The following PTP4A1 variants were observed in gnomAD, a reference collection of about 807,000 sequenced individuals.
The protein encoded by PTP4A1 is protein tyrosine phosphatase 4A1, also known as protein tyrosine phosphatase type IVA 1.
PTP4A1 carries 9 observed loss-of-function variants against 20.5 expected under a neutral mutation model. The observed-to-expected ratio is 0.44, with a 90% CI of 0.26 to 0.77. The LOEUF (loss-of-function observed/expected upper bound fraction) is 0.77. Ranked by LOEUF, PTP4A1 falls within the 30% of genes least tolerant of loss-of-function variation. The probability of loss-of-function intolerance (pLI) is 0.19; values close to 1 mark genes in which losing one functional copy is unlikely to be tolerated. For missense variants in PTP4A1, 137 were observed against 218.8 expected (o/e 0.63, Z 2.36); for synonymous variants, 78 against 67.4 (o/e 1.16, Z -0.77).
chr6:63,547,362 G>A (rs1776237158), intron 2 of PTP4A1, among the ~76,000 whole-genome samples: 1 of 149,224 alleles, frequency 6.7e-6, no homozygotes, highest in Non-Finnish European at 1.5e-5. Flanking sequence ...GCTAATTTTT[G>A]TATTTTTAGT....
At position 63,578,645 on chromosome 6, in the gene PTP4A1, CAA is replaced by C. The variant is rs2149516564; in HGVS notation, c.198+118_198+119del. Reference sequence around the variant, plus strand: ...TAAATAGACCTCAAAAAGCTAAAAACAAATATTATATTATTGTGCAGAATCTT... The same window carrying C: ...TAAATAGACCTCAAAAAGCTAAAAACATATTATATTATTGTGCAGAATCTT... On this transcript the variant is annotated intron_variant, in intron 3 of 5. Coordinates refer to ENST00000626021, the MANE Select transcript of PTP4A1 (RefSeq NM_003463.5). 4 of 1,371,378 alleles carry C rather than the reference CAA, an allele frequency of 2.9e-6. No homozygotes were observed. In the Admixed American group the frequency reaches 9.6e-5, roughly 33 times the overall value. The allele number at this position is 1,371,378 out of a possible 1,614,324, so 85.0% of individuals were successfully genotyped here.
chr6:63,551,513 A>G lies in PTP4A1; in HGVS notation c.-446+1020A>G, dbSNP rs551474208. Among the ~76,000 whole-genome samples the G allele has an allele frequency of 9.8e-5, 15 of 152,326 alleles. No individual in the cohort carries two copies. In the East Asian group the frequency reaches 2.7e-3, roughly 27 times the overall value. On this transcript the variant is annotated intron_variant, in intron 3 of 3. Coordinates refer to the PTP4A1 transcript ENST00000639568. ...TCCTATGTACAAATATTTTGTCTCA[A>G]AACTAGGATTCTGTCATATTAAGTT... is the stretch of plus-strand genomic sequence containing the variant.
intron 2 of PTP4A1, among the ~76,000 whole-genome samples, chr6:63,530,251 T>A (rs1460209481): frequency 6.6e-6 from 1 of 152,134 alleles, no homozygotes; most frequent in Non-Finnish European, 1.5e-5. Flanking sequence ...AGCAGATTAT[T>A]CCAAGGTGAA....
In PTP4A1 at chr6:63,576,570, A is replaced by AT; in HGVS notation, c.-310dup. 2.2e-6 allele frequency: 1 copy of AT among 457,130 alleles called. No homozygotes were observed. Among genetic ancestry groups the AT allele is most frequent in the East Asian group, 3.4e-5 (1 of 29,674 alleles). 28.3% of individuals were successfully genotyped at this position (457,130 alleles called of 1,614,324 possible). On this transcript the variant is annotated 5_prime_UTR_variant, in exon 2 of 6. Transcript: ENST00000626021. ...ATTACTGCTCCACCAAGAAGCCCCC[A>AT]TAAGAGTGGTTATCCTGGACACAGA...
At chr6:63,571,506 A>C (rs1777424491), upstream of PTP4A1, 1 of 152,222 alleles carries the variant, frequency 6.6e-6, no homozygotes, top group Non-Finnish European at 1.5e-5. Flanking sequence ...GGGCTTAAAT[A>C]ATGAAGTCAG....
chr6:63,543,645 C>A (rs974317983), intron 2 of PTP4A1, among the ~76,000 whole-genome samples: 2 of 152,150 alleles, frequency 1.3e-5, no homozygotes, highest in African/African-American at 4.8e-5. Flanking sequence ...ACACACTGTG[C>A]CCATTCATCC....
At position 63,583,218 on chromosome 6, in the gene PTP4A1, A is replaced by C. The variant is rs1401076610; in HGVS notation, c.*3044A>C. On this transcript the variant is annotated 3_prime_UTR_variant, in exon 6 of 6. Transcript: ENST00000626021. Reference sequence around the variant, plus strand: ...AATGATATTTTTCTTTTACATGTAAACAATGAAGTTATTTCAAAGTTAAGT... The same window carrying C: ...AATGATATTTTTCTTTTACATGTAACCAATGAAGTTATTTCAAAGTTAAGT... 1 of 152,208 alleles carries C rather than the reference A, an allele frequency of 6.6e-6. No homozygotes were observed. The highest frequency in any genetic ancestry group is 2.4e-5 in the African/African-American group (1 of 41,472). 9.4% of individuals were successfully genotyped at this position (152,208 alleles called of 1,614,324 possible). A position where few individuals can be genotyped will look rare whatever the true frequency, so the allele number is the denominator to read the frequency against.
At chr6:63,570,334 T>G (rs922202544), upstream of PTP4A1, among the ~76,000 whole-genome samples, 1 of 152,158 alleles carries the variant, frequency 6.6e-6, no homozygotes, top group Non-Finnish European at 1.5e-5. Flanking sequence ...CCATCTCAAA[T>G]AAATACATAA....
chr6:63,555,662 A>T (rs1200743910), intron 3 of PTP4A1, among the ~76,000 whole-genome samples: 3 of 152,088 alleles, frequency 2.0e-5, no homozygotes. Context: ...GAGTCAACAG[A>T]AAGTATGCAA....
At position 63,527,841 on chromosome 6, in the gene PTP4A1, G is replaced by C. The variant is rs2149475398; in HGVS notation, c.-883G>C. 3 of 152,312 alleles carry C rather than the reference G, an allele frequency of 2.0e-5. No homozygotes were observed. In the South Asian group the frequency reaches 6.2e-4, roughly 32 times the overall value. The allele number at this position is 152,312 out of a possible 1,614,324, so 9.4% of individuals were successfully genotyped here. ...CAGAGACTTGCTTCAACACCAGGAA[G>C]AACATGAAAGGGTGACTCATAATTC... On this transcript the variant is annotated 5_prime_UTR_variant, in exon 2 of 4. Coordinates refer to the PTP4A1 transcript ENST00000639568.
rs1234449314 is a variant in PTP4A1 at position 63,581,596 on chromosome 6, A to C, written c.*1422A>C. The stretch of plus-strand genomic sequence containing the variant: ...AGCATTTTAGTAAACTTTTAGACAA[A>C]ATTTGTTAGGGTCATTCATGAAAAC... On this transcript the variant is annotated 3_prime_UTR_variant, in exon 6 of 6. Transcript: ENST00000626021. 6.6e-6 allele frequency: 1 copy of C among 152,124 alleles called. No individual in the cohort carries two copies. The highest frequency in any genetic ancestry group is 1.5e-5 in the Non-Finnish European group (1 of 68,006). 9.4% of individuals were successfully genotyped at this position (152,124 alleles called of 1,614,324 possible).
chr6:63,575,855 A>G (rs531601449), intron 1 of PTP4A1, among the ~76,000 whole-genome samples: 1 of 152,220 alleles, frequency 6.6e-6, no homozygotes, highest in South Asian at 2.1e-4. Context: ...TAAATATAGG[A>G]CTTAAATCAG....
rs1344016908 is a variant in PTP4A1 at position 63,582,592 on chromosome 6, A to G, written c.*2418A>G. On this transcript the variant is annotated 3_prime_UTR_variant, in exon 6 of 6. Transcript: ENST00000626021. ...AGTCTTGAATGCAGGAAACTATCTG[A>G]TAGTGTTCTAAAATTTGGTTACTTG... The G allele has an allele frequency of 2.0e-5, 3 of 152,478 alleles. No homozygotes were observed. Among genetic ancestry groups the G allele is most frequent in the Non-Finnish European group, 2.9e-5 (2 of 68,034 alleles). 9.4% of individuals were successfully genotyped at this position (152,478 alleles called of 1,614,324 possible).
chr6:63,531,964 T>C (rs796336652), intron 2 of PTP4A1, among the ~76,000 whole-genome samples: 40 of 151,936 alleles, frequency 2.6e-4, no homozygotes, highest in African/African-American at 9.6e-4. Context: ...CCATGGCTGG[T>C]TAATTTTTGT....
At chr6:63,544,377 T>C (rs1289935640) in intron 2 of PTP4A1, among the ~76,000 whole-genome samples, 1 of 152,170 alleles carries the variant, frequency 6.6e-6, no homozygotes, top group Non-Finnish European at 1.5e-5. Flanking sequence ...GTTGCAGACA[T>C]TATATCTTTA....
intron 2 of PTP4A1, among the ~76,000 whole-genome samples, chr6:63,540,210 A>G (rs1027648954): frequency 6.6e-5 from 10 of 152,128 alleles, no homozygotes; most frequent in Non-Finnish European, 1.3e-4. Flanking sequence ...AGATGCACTT[A>G]CTCCTTGAAC....
At position 63,581,486 on chromosome 6, in the gene PTP4A1, T is replaced by C. The variant is rs1040724651; in HGVS notation, c.*1312T>C. On this transcript the variant is annotated 3_prime_UTR_variant, in exon 6 of 6. Transcript: ENST00000626021. ...GATTGGTTTGCTTAAAATTAACTTA[T>C]TTTGTAGAAGACAAAATGAATTGCA... is the stretch of plus-strand genomic sequence containing the variant. 2.0e-5 allele frequency: 3 copies of C among 152,592 alleles called. No homozygotes were observed. The highest frequency in any genetic ancestry group is 2.9e-5 in the Non-Finnish European group (2 of 68,016). 9.5% of individuals were successfully genotyped at this position (152,592 alleles called of 1,614,324 possible). A position where few individuals can be genotyped will look rare whatever the true frequency, so the allele number is the denominator to read the frequency against.
intron 1 of PTP4A1, among the ~76,000 whole-genome samples, chr6:63,526,801 A>ATG (rs1222287490): frequency 4.8e-5 from 5 of 103,094 alleles, no homozygotes; most frequent in African/African-American, 8.1e-5. Flanking sequence ...TATCTCAAAA[A>ATG]TGTATATATA....
At chr6:63,556,289 G>A (rs1039380020) in intron 3 of PTP4A1, among the ~76,000 whole-genome samples, 4 of 151,848 alleles carry the variant, frequency 2.6e-5, no homozygotes, top group African/African-American at 9.7e-5. Context: ...CTCCAGAGTA[G>A]CTAGGAATAC....
Sources: gnomAD v4.1 joint callset for allele counts (sites outside exome capture counted in the v4.1 genomes callset) on GRCh38, gnomAD v4.1.1 for gene constraint, MANE v1.5 for transcripts, NCBI Gene and HGNC (gene_info 2026-07-23, HGNC 2026-07-21) for gene names.